RARB: variants seen among roughly 807,000 people sequenced by gnomAD.
RARB encodes the protein HBV-activated protein.
In RARB, 17 loss-of-function variants were observed where a neutral mutation model predicts 51.9. The observed-to-expected ratio is 0.33, with a 90% CI of 0.22 to 0.49. The LOEUF (loss-of-function observed/expected upper bound fraction) is 0.49. Among genes scored for constraint, RARB ranks in the 20% least tolerant of loss-of-function variants. The pLI is 0.99. For synonymous variants in RARB, 215 were observed against 195.4 expected, an observed-to-expected ratio of 1.10 and a Z score of -0.84; for missense variants, 369 against 550.8, an observed-to-expected ratio of 0.67 and a Z score of 3.30.
intron 3 of RARB, among the ~76,000 whole-genome samples, chr3:25,105,634 A>G (rs1213994691): frequency 6.6e-6 from 1 of 152,092 alleles, no homozygotes; most frequent in Non-Finnish European, 1.5e-5. Flanking sequence ...CTCTCTTGAC[A>G]TTTCCTTGCT....
chr3:25,516,001 T>G (rs1698145439), intron 3 of RARB, among the ~76,000 whole-genome samples: 1 of 152,256 alleles, frequency 6.6e-6, no homozygotes, highest in South Asian at 2.1e-4. Flanking sequence ...TTAACATTTC[T>G]TCAGGCAGTG....
intron 3 of RARB, among the ~76,000 whole-genome samples, chr3:25,547,826 C>A (rs553324540): frequency 6.6e-6 from 1 of 152,146 alleles, no homozygotes; most frequent in Admixed American, 6.6e-5. Context: ...TAAATTAAGA[C>A]AAAGTCATTG....
chr3:25,270,023 A>T (rs1392858397), intron 5 of RARB, among the ~76,000 whole-genome samples: 1 of 152,202 alleles, frequency 6.6e-6, no homozygotes, highest in South Asian at 2.1e-4. Context: ...ATTGGCAAGG[A>T]TGTGGATAAA....
chr3:24,944,248 C>T (rs1695728341), intron 2 of RARB, among the ~76,000 whole-genome samples: 1 of 152,276 alleles, frequency 6.6e-6, no homozygotes, highest in East Asian at 1.9e-4. Context: ...CTCATTTGTT[C>T]TCCATAGACA....
chr3:25,274,410 C>T (rs971827661), intron 5 of RARB, among the ~76,000 whole-genome samples: 1 of 152,112 alleles, frequency 6.6e-6, no homozygotes, highest in African/African-American at 2.4e-5. Flanking sequence ...ATGCTTATCC[C>T]GATTCAGCCT....
intron 4 of RARB, among the ~76,000 whole-genome samples, chr3:25,144,813 T>C (rs1460096170): frequency 6.6e-6 from 1 of 152,208 alleles, no homozygotes; most frequent in Non-Finnish European, 1.5e-5. Flanking sequence ...CTCGAGGCTA[T>C]ATGGACTAAT....
chr3:25,130,881 TTTA>T (rs1321484364), intron 3 of RARB, among the ~76,000 whole-genome samples: 1 of 109,478 alleles, frequency 9.1e-6, no homozygotes, highest in African/African-American at 3.4e-5. Flanking sequence ...ATTATCAATA[TTTA>T]TTATTGATAA....
chr3:25,147,724 C>T (rs1575182193), intron 4 of RARB, among the ~76,000 whole-genome samples: 3 of 152,310 alleles, frequency 2.0e-5, no homozygotes, highest in East Asian at 1.9e-4. Context: ...ATATTACCTT[C>T]TACTGAAGAA....
At position 25,129,978 on chromosome 3, in the gene RARB, A is replaced by G. The variant is rs569627334; in HGVS notation, c.-327-2183A>G. Reference sequence around the variant, plus strand: ...TAAAACTGCTTCAATCCTCATAATCAAATCTTTGGATTTGAAAACTCAGCG... The same window carrying G: ...TAAAACTGCTTCAATCCTCATAATCGAATCTTTGGATTTGAAAACTCAGCG... On this transcript the variant is annotated intron_variant, in intron 3 of 11. Coordinates refer to the RARB transcript ENST00000383772. 4.9e-4 allele frequency among the ~76,000 whole-genome samples: 74 copies of G among 152,210 alleles called. 1 individual carries two copies. The South Asian group carries it at 0.015, about 30-fold the overall frequency.
At chr3:25,170,079 T>A (rs766559435) in intron 4 of RARB, among the ~76,000 whole-genome samples, 1 of 151,310 alleles carries the variant, frequency 6.6e-6, no homozygotes, top group Non-Finnish European at 1.5e-5. Flanking sequence ...GATAGAGAGC[T>A]GTTATTCTTT....
chr3:25,372,715 A>G (rs1706337907), intron 5 of RARB, among the ~76,000 whole-genome samples: 1 of 152,156 alleles, frequency 6.6e-6, no homozygotes, highest in Non-Finnish European at 1.5e-5. Context: ...AGTTCCAGCT[A>G]CTTGGGAGGC....
At chr3:24,862,142 A>G (rs149115812) in intron 2 of RARB, among the ~76,000 whole-genome samples, 80 of 152,302 alleles carry the variant, frequency 5.3e-4, no homozygotes, top group African/African-American at 1.9e-3. Flanking sequence ...TATGGCTGGA[A>G]ATAGGAAAAA....
intron 2 of RARB, among the ~76,000 whole-genome samples, chr3:24,889,309 A>G (rs1703326433): frequency 6.6e-6 from 1 of 152,160 alleles, no homozygotes; most frequent in Non-Finnish European, 1.5e-5. Context: ...TAAGAGAGTT[A>G]ACCTTATGGC....
At position 25,289,000 on chromosome 3, in the gene RARB, A is replaced by G. The variant is rs1195431546; in HGVS notation, c.178+114425A>G. On this transcript the variant is annotated intron_variant, in intron 5 of 11. Transcript: ENST00000383772. Reference sequence around the variant, plus strand: ...TCTGGAACAGTACTCCCATGAACCAATGATGATAACTCATTCATACTGTTC... The same window carrying G: ...TCTGGAACAGTACTCCCATGAACCAGTGATGATAACTCATTCATACTGTTC... Among the ~76,000 whole-genome samples the G allele has an allele frequency of 2.6e-5, 4 of 152,216 alleles. No individual in the cohort carries two copies. The East Asian group carries it at 7.7e-4, about 29-fold the overall frequency.
chr3:25,351,512 C>T (rs1705569901), intron 5 of RARB, among the ~76,000 whole-genome samples: 2 of 152,060 alleles, frequency 1.3e-5, no homozygotes, highest in Admixed American at 1.3e-4. Flanking sequence ...CCTTTGAATG[C>T]CCAGTCTATT....
chr3:25,129,154 T>A (rs1699906669), intron 3 of RARB, among the ~76,000 whole-genome samples: 1 of 152,126 alleles, frequency 6.6e-6, no homozygotes, highest in Admixed American at 6.6e-5. Context: ...CTTACTGTTT[T>A]ATTGGTTGTA....
chr3:25,339,581 G>GTT (rs34570809), intron 5 of RARB, among the ~76,000 whole-genome samples: 2,768 of 143,736 alleles, frequency 0.019, 37 homozygotes, highest in South Asian at 0.048. Flanking sequence ...TTCAGCTGAA[G>GTT]TTTTTTTTTT....
At chr3:25,466,347 C>A (rs1040373402) in intron 2 of RARB, among the ~76,000 whole-genome samples, 1 of 152,100 alleles carries the variant, frequency 6.6e-6, no homozygotes, top group African/African-American at 2.4e-5. Flanking sequence ...CAAGCATGTG[C>A]CACCACACCC....
At chr3:25,020,908 G>C (rs750401948) in intron 2 of RARB, among the ~76,000 whole-genome samples, 25 of 152,196 alleles carry the variant, frequency 1.6e-4, no homozygotes, top group Non-Finnish European at 2.8e-4. Context: ...GTCAGAGGTT[G>C]CAGTGAGCCG....
Sources: gnomAD v4.1 joint callset for allele counts (sites outside exome capture counted in the v4.1 genomes callset) on GRCh38, gnomAD v4.1.1 for gene constraint, MANE v1.5 for transcripts, NCBI Gene and HGNC (gene_info 2026-07-23, HGNC 2026-07-21) for gene names.